The following ZMIZ1 variants were observed in gnomAD, a reference collection of about 807,000 sequenced individuals.
The protein encoded by ZMIZ1 is zinc finger MIZ domain-containing protein 1.
Under a neutral mutation model 113.9 loss-of-function variants are expected in ZMIZ1, and 17 were observed. The observed-to-expected ratio is 0.15, with a 90% CI of 0.10 to 0.22. The LOEUF (loss-of-function observed/expected upper bound fraction) is 0.22. ZMIZ1 is among the 10% of genes least tolerant of loss of function. ZMIZ1 has a pLI of 1.00. For missense variants in ZMIZ1, 1,059 were observed against 1,477.8 expected (o/e 0.72, Z 4.65); for synonymous variants, 607 against 603.1 (o/e 1.01, Z -0.09).
intron 3 of ZMIZ1, among the ~76,000 whole-genome samples, chr10:79,151,189 G>A (rs528608214): frequency 6.6e-6 from 1 of 152,306 alleles, no homozygotes; most frequent in East Asian, 1.9e-4. Context: ...CTGCCATGGG[G>A]TGGCCACAGC....
chr10:79,299,224 G>A (rs370535485), intron 16 of ZMIZ1, 33 bp downstream of exon 16: 65 of 1,578,872 alleles, frequency 4.1e-5, no homozygotes, highest in African/African-American at 6.7e-5. Flanking sequence ...CAGCCCAGGC[G>A]GGATGAAGGA....
At chr10:79,092,343 G>A (rs545163393) in intron 1 of ZMIZ1, among the ~76,000 whole-genome samples, 2 of 152,318 alleles carry the variant, frequency 1.3e-5, no homozygotes, top group South Asian at 4.1e-4. Context: ...CTCCAGATTG[G>A]GGGTGACCCT....
Position 79,071,567 on chromosome 10 carries a change from T to G in ZMIZ1, c.-337+2297T>G, listed in dbSNP as rs535127573. Among the ~76,000 whole-genome samples the G allele has an allele frequency of 1.2e-4, 19 of 152,274 alleles. No individual in the cohort carries two copies. The South Asian group carries it at 3.9e-3, about 32-fold the overall frequency. On this transcript the variant is annotated intron_variant, in intron 1 of 24. Transcript: ENST00000334512. ...GAGAGCAAGCTCTTTCTTAGCCTTC[T>G]CAGCCCCGGCTGCTTTGTGAGGGGG...
chr10:79,113,690 A>AT (rs1037321570), intron 1 of ZMIZ1, among the ~76,000 whole-genome samples: 1 of 151,802 alleles, frequency 6.6e-6, no homozygotes, highest in Non-Finnish European at 1.5e-5. Flanking sequence ...TGTCTGTGTG[A>AT]TTTTCTGCTC....
intron 6 of ZMIZ1, among the ~76,000 whole-genome samples, chr10:79,208,662 C>T (rs150898677): frequency 6.6e-6 from 1 of 152,186 alleles, no homozygotes; most frequent in Non-Finnish European, 1.5e-5. Context: ...AGGCACAGTC[C>T]CTAGGGATTG....
intron 19 of ZMIZ1, among the ~76,000 whole-genome samples, chr10:79,304,724 C>T (rs1385948741): frequency 2.0e-5 from 3 of 152,202 alleles, no homozygotes; most frequent in Admixed American, 6.5e-5. Context: ...AGCTTCCCCT[C>T]CTCCCTCCCA....
In ZMIZ1 at chr10:79,306,282, C is replaced by T. The variant is rs142913980; in HGVS notation, c.2606C>T (p.Pro869Leu). 20 of 1,613,760 alleles carry T rather than the reference C, an allele frequency of 1.2e-5. No homozygotes were observed. Among genetic ancestry groups the T allele is most frequent in the East Asian group, 4.5e-5 (2 of 44,890 alleles). Reference sequence around the variant, plus strand: ...ATGATCGCAGCCCTGGGCCCCGGCCCGTCCCCCTATCCCCTCCCGCCTCCC... The same window carrying T: ...ATGATCGCAGCCCTGGGCCCCGGCCTGTCCCCCTATCCCCTCCCGCCTCCC... The part of the protein sequence containing the change: ...MEMIAALGPG[P>L]SPYPLPPPPG... Residue 869 changes from proline to leucine, a missense_variant, in exon 22 of 25, where the codon CCG becomes CTG. Around this residue, in one of 6 missense-constraint regions of ZMIZ1, gnomAD observed 225 missense variants for 276.0 expected, o/e 0.82. Coordinates refer to ENST00000334512, the MANE Select transcript of ZMIZ1 (RefSeq NM_020338.4).
chr10:79,289,043 G>A (rs147481784), intron 8 of ZMIZ1, among the ~76,000 whole-genome samples: 1 of 152,318 alleles, frequency 6.6e-6, no homozygotes, highest in Non-Finnish European at 1.5e-5. Flanking sequence ...TCCGCCAGAG[G>A]AGTAAGTCAT....
chr10:79,175,606 G>GTA (rs1284919911), intron 4 of ZMIZ1, among the ~76,000 whole-genome samples: 3,863 of 94,482 alleles, frequency 0.041, 184 homozygotes, highest in African/African-American at 0.16. Context: ...GTGTGTGTGT[G>GTA]TGTGTGTGTG....
At chr10:79,117,814 A>G (rs188470843) in intron 1 of ZMIZ1, among the ~76,000 whole-genome samples, 114 of 152,240 alleles carry the variant, frequency 7.5e-4, no homozygotes, top group African/African-American at 2.4e-3. Flanking sequence ...GCTTCCTGTG[A>G]TGTCCCCTCT....
intron 4 of ZMIZ1, among the ~76,000 whole-genome samples, chr10:79,175,449 G>A (rs1846787463): frequency 3.3e-5 from 5 of 152,050 alleles, no homozygotes; most frequent in Admixed American, 3.3e-4. Flanking sequence ...GGTTTGTCCT[G>A]CCCCGATCAG....
chr10:79,128,578 G>A (rs746950135), intron 2 of ZMIZ1, among the ~76,000 whole-genome samples: 3 of 151,016 alleles, frequency 2.0e-5, no homozygotes, highest in Non-Finnish European at 2.9e-5. Flanking sequence ...ATCATGGGGC[G>A]TTCCTTTCTC....
intron 4 of ZMIZ1, among the ~76,000 whole-genome samples, chr10:79,192,110 A>C (rs974604979): frequency 6.6e-6 from 1 of 152,202 alleles, no homozygotes; most frequent in Non-Finnish European, 1.5e-5. Context: ...CTGTGAGGTC[A>C]GGGATTTGGA....
rs140026349 is a variant in ZMIZ1, at chr10:79,186,757, T to C, written c.-49-14827T>C. ...CAGAGTGAGTTAATTAAAAAGCAGA[T>C]GAATGGTGAGAGTCCTGCTTCATTT... On this transcript the variant is annotated intron_variant, in intron 4 of 24. Coordinates refer to ENST00000334512, the MANE Select transcript of ZMIZ1 (RefSeq NM_020338.4). Among the ~76,000 whole-genome samples the C allele has an allele frequency of 6.4e-3, 968 of 152,308 alleles. 8 individuals are homozygous for C. Among genetic ancestry groups the C allele is most frequent in the East Asian group, 0.02 (101 of 5,178 alleles).
intron 3 of ZMIZ1, among the ~76,000 whole-genome samples, chr10:79,145,396 C>T (rs988454982): frequency 6.6e-6 from 1 of 152,160 alleles, no homozygotes; most frequent in Non-Finnish European, 1.5e-5. Context: ...GAGCCCTGTG[C>T]AGCCCTGAGT....
At chr10:79,175,497 G>A (rs992994098) in intron 4 of ZMIZ1, among the ~76,000 whole-genome samples, 1 of 152,082 alleles carries the variant, frequency 6.6e-6, no homozygotes, top group Non-Finnish European at 1.5e-5. Context: ...CTTCCTGCAG[G>A]AGGCCTCCTC....
At chr10:79,185,873 T>G (rs1847331468) in intron 4 of ZMIZ1, among the ~76,000 whole-genome samples, 2 of 152,160 alleles carry the variant, frequency 1.3e-5, no homozygotes, top group South Asian at 4.1e-4. Flanking sequence ...CTGTGTCCAT[T>G]CCTGTCCATC....
intron 8 of ZMIZ1, among the ~76,000 whole-genome samples, chr10:79,278,570 G>C (rs1249678187): frequency 6.6e-6 from 1 of 151,362 alleles, no homozygotes; most frequent in Non-Finnish European, 1.5e-5. Flanking sequence ...GTTTTCCTAG[G>C]CAGAGGGTCC....
intron 7 of ZMIZ1, among the ~76,000 whole-genome samples, chr10:79,269,456 A>ACACACACACACACACACACACAC (rs1851803859): frequency 7.2e-6 from 1 of 138,472 alleles, no homozygotes; most frequent in Non-Finnish European, 1.6e-5. Context: ...ACCTCCCCCC[A>ACACACACACACACACACACACAC]ACACACACAC....
Sources: allele counts gnomAD v4.1 joint callset (sites outside exome capture counted in the v4.1 genomes callset), GRCh38; gene constraint gnomAD v4.1.1; regional missense constraint gnomAD v4.1.1; transcripts MANE v1.5; gene names NCBI Gene and HGNC (gene_info 2026-07-23, HGNC 2026-07-21).